Variants in HDAC9 observed in about 807,000 individuals in gnomAD.
The protein encoded by HDAC9 is histone deacetylase 9.
In HDAC9, 41 loss-of-function variants were observed where a neutral mutation model predicts 139.4. That is an observed-to-expected ratio of 0.29 (90% CI 0.23 to 0.38). The LOEUF (loss-of-function observed/expected upper bound fraction) is 0.38, where lower values mean the gene tolerates loss of function less well. Among genes scored for constraint, HDAC9 ranks in the 10% least tolerant of loss-of-function variants. HDAC9 has a pLI of 1.00. For synonymous variants in HDAC9, 517 were observed against 476.2 expected, an observed-to-expected ratio of 1.09 and a Z score of -1.12; for missense variants, 1,147 against 1,297.0, an observed-to-expected ratio of 0.88 and a Z score of 1.78.
chr7:18,773,221 T>G (rs895858590), intron 16 of HDAC9, among the ~76,000 whole-genome samples: 1 of 152,044 alleles, frequency 6.6e-6, no homozygotes, highest in Non-Finnish European at 1.5e-5. Context: ...CATTTTCTTA[T>G]TTAAAGTAAA....
chr7:18,367,642 T>G (rs73307426), intron 1 of HDAC9, among the ~76,000 whole-genome samples: 10,322 of 152,192 alleles, frequency 0.068, 379 homozygotes, highest in African/African-American at 0.11. Context: ...AATCATTTTC[T>G]GAACATGCTT....
At chr7:18,124,469 T>A (rs2128096379) in intron 1 of HDAC9, among the ~76,000 whole-genome samples, 1 of 152,320 alleles carries the variant, frequency 6.6e-6, no homozygotes, top group Admixed American at 6.5e-5. Context: ...CTTACTTTAT[T>A]ACAAGCAGTA....
rs777823043 is a variant in HDAC9, at chr7:18,727,675, C to G, written c.1827C>G (p.Val609=). ...ATGGATTAGAGAAACACCGTCTCGT[C>G]TCCAGGACTCACTCTTCCCCTGCTG... ...GMDGLEKHRL[V]SRTHSSPAAS... Residue 609 remains valine (V), a synonymous_variant, in exon 13 of 26, where the codon GTC becomes GTG. Coordinates refer to ENST00000686413, the MANE Select transcript of HDAC9 (RefSeq NM_178425.4). The G allele has an allele frequency of 6.3e-7, 1 of 1,590,188 alleles. No individual in the cohort carries two copies. Among genetic ancestry groups the G allele is most frequent in the Admixed American group, 1.8e-5 (1 of 54,382 alleles).
chr7:18,224,752 A>AT (rs1167945664), intron 2 of HDAC9, among the ~76,000 whole-genome samples: 2 of 152,168 alleles, frequency 1.3e-5, no homozygotes, highest in African/African-American at 4.8e-5. Context: ...TGGAGAGTGT[A>AT]TAAGAAATTG....
intron 19 of HDAC9, among the ~76,000 whole-genome samples, chr7:18,830,508 T>C (rs1795782943): frequency 6.6e-6 from 1 of 152,202 alleles, no homozygotes; most frequent in Non-Finnish European, 1.5e-5. Context: ...GCACTCATAA[T>C]TAAATCTTAT....
At chr7:18,704,524 A>C (rs1011721019) in intron 12 of HDAC9, among the ~76,000 whole-genome samples, 4 of 152,220 alleles carry the variant, frequency 2.6e-5, no homozygotes, top group Non-Finnish European at 4.4e-5. Context: ...TTTGATAGTC[A>C]TATCCTTAAG....
At chr7:18,515,506 C>A (rs1266460664) in intron 2 of HDAC9, among the ~76,000 whole-genome samples, 2 of 152,276 alleles carry the variant, frequency 1.3e-5, no homozygotes, top group East Asian at 3.9e-4. Context: ...AGGTAGAGTT[C>A]TAGATACATT....
At chr7:18,286,637 A>T (rs1014511405), upstream of HDAC9, among the ~76,000 whole-genome samples, 4 of 151,868 alleles carry the variant, frequency 2.6e-5, no homozygotes, top group African/African-American at 9.7e-5. Flanking sequence ...GATAAGACTG[A>T]ATTATAAAAA....
At chr7:18,880,852 G>T (rs1799686806) in intron 22 of HDAC9, among the ~76,000 whole-genome samples, 1 of 149,124 alleles carries the variant, frequency 6.7e-6, no homozygotes, top group Admixed American at 6.7e-5. Flanking sequence ...CCGGGGGGGG[G>T]GGAACCAAAT....
chr7:18,395,750 A>G (rs779748441), intron 1 of HDAC9, among the ~76,000 whole-genome samples: 10 of 152,060 alleles, frequency 6.6e-5, no homozygotes, highest in Non-Finnish European at 1.2e-4. Context: ...ACACTCAACC[A>G]CTGTTCTCCC....
intron 2 of HDAC9, among the ~76,000 whole-genome samples, chr7:18,276,591 C>T (rs1796739203): frequency 1.3e-5 from 2 of 152,262 alleles, no homozygotes; most frequent in African/African-American, 4.8e-5. Flanking sequence ...ATTATGTCTC[C>T]TGACATGCCA....
chr7:18,295,891 C>G (rs933057762), intron 1 of HDAC9, among the ~76,000 whole-genome samples: 4 of 152,098 alleles, frequency 2.6e-5, no homozygotes, highest in African/African-American at 9.7e-5. Context: ...GACAACCCCC[C>G]ACAACAAAGA....
intron 2 of HDAC9, among the ~76,000 whole-genome samples, chr7:18,508,291 A>T (rs1362680091): frequency 6.6e-6 from 1 of 152,164 alleles, no homozygotes; most frequent in Non-Finnish European, 1.5e-5. Flanking sequence ...GTATCTTTCT[A>T]AAAAAAGTAG....
intron 1 of HDAC9, among the ~76,000 whole-genome samples, chr7:18,341,230 GTGTT>G (rs1781983477): frequency 6.6e-6 from 1 of 151,220 alleles, no homozygotes; most frequent in Non-Finnish European, 1.5e-5. Context: ...GTGTGTGTGT[GTGTT>G]TGTGTGTGCA....
At chr7:18,142,026 C>T (rs1231783328) in intron 1 of HDAC9, among the ~76,000 whole-genome samples, 1 of 152,046 alleles carries the variant, frequency 6.6e-6, no homozygotes, top group Non-Finnish European at 1.5e-5. Flanking sequence ...GACCCTAGTC[C>T]TTTATTGTGT....
intron 1 of HDAC9, among the ~76,000 whole-genome samples, chr7:18,312,210 CA>C (rs1799362819): frequency 6.6e-6 from 1 of 152,100 alleles, no homozygotes; most frequent in Non-Finnish European, 1.5e-5. Context: ...TGAGCAGGCA[CA>C]AAATGCAAAG....
chr7:18,616,456 A>G (rs953409665), intron 6 of HDAC9, among the ~76,000 whole-genome samples: 7 of 152,198 alleles, frequency 4.6e-5, no homozygotes, highest in Admixed American at 2.6e-4. Flanking sequence ...TCTGTCTAGA[A>G]AAGGATTCAG....
At chr7:18,651,710 A>G (rs1482516061) in intron 11 of HDAC9, among the ~76,000 whole-genome samples, 1 of 152,180 alleles carries the variant, frequency 6.6e-6, no homozygotes, top group Non-Finnish European at 1.5e-5. Context: ...ACTGTTATTA[A>G]TCATACAAAA....
intron 25 of HDAC9, among the ~76,000 whole-genome samples, chr7:18,979,723 G>T (rs1784773961): frequency 1.3e-5 from 2 of 152,122 alleles, no homozygotes; most frequent in Admixed American, 1.3e-4. Context: ...GGTGATTGGG[G>T]AGCGGGTACA....
Sources: allele counts gnomAD v4.1 joint callset (sites outside exome capture counted in the v4.1 genomes callset), GRCh38; gene constraint gnomAD v4.1.1; transcripts MANE v1.5; gene names NCBI Gene and HGNC (gene_info 2026-07-23, HGNC 2026-07-21).